NXPE2: variants seen among roughly 807,000 people sequenced by gnomAD.
NXPE2 encodes NXPE family member 2.
In NXPE2, 34 loss-of-function variants were observed where a neutral mutation model predicts 34.4. That is an observed-to-expected ratio of 0.99 (90% CI 0.75 to 1.31). The LOEUF is 1.31. Ranked by LOEUF, NXPE2 falls within the 40% of genes most tolerant of loss-of-function variation. The probability of loss-of-function intolerance (pLI) is 0.00; values close to 1 mark genes in which losing one functional copy is unlikely to be tolerated. For missense variants in NXPE2, 649 were observed against 672.5 expected, an observed-to-expected ratio of 0.97 and a Z score of 0.39; for synonymous variants, 235 against 231.3, an observed-to-expected ratio of 1.02 and a Z score of -0.15.
At chr11:114,547,676 A>G in the NXPE2 span, among the ~76,000 whole-genome samples, 5 of 152,188 alleles carry the variant, frequency 3.3e-5, no homozygotes, top group Non-Finnish European at 7.4e-5. Context: ...CAGAGGTTGC[A>G]GTGAGCCGAG....
chr11:114,796,890 TA>T, the NXPE2 span, among the ~76,000 whole-genome samples: 1 of 152,198 alleles, frequency 6.6e-6, no homozygotes, highest in East Asian at 1.9e-4. Context: ...GGAAAGGAGT[TA>T]AAGTTTTCCA....
At chr11:114,647,993 G>A in the NXPE2 span, among the ~76,000 whole-genome samples, 1 of 152,000 alleles carries the variant, frequency 6.6e-6, no homozygotes, top group Non-Finnish European at 1.5e-5. Flanking sequence ...AGCCACTGTT[G>A]CCGGCCGACT....
At chr11:114,639,193 C>G in the NXPE2 span, among the ~76,000 whole-genome samples, 1 of 152,028 alleles carries the variant, frequency 6.6e-6, no homozygotes, top group African/African-American at 2.4e-5. Context: ...CCCCCAGCCT[C>G]ACTGCCGCCT....
At chr11:114,560,556 T>G in the NXPE2 span, among the ~76,000 whole-genome samples, 2 of 152,108 alleles carry the variant, frequency 1.3e-5, no homozygotes, top group South Asian at 4.2e-4. Context: ...CATGAGCCAC[T>G]TTTCCCAGCT....
chr11:114,527,400 A>G, the NXPE2 span, among the ~76,000 whole-genome samples: 1 of 152,256 alleles, frequency 6.6e-6, no homozygotes, highest in Non-Finnish European at 1.5e-5. Flanking sequence ...TTCATAAGTA[A>G]CAGGGCTTTG....
the NXPE2 span, among the ~76,000 whole-genome samples, chr11:114,737,612 G>A: frequency 5.9e-5 from 9 of 152,284 alleles, no homozygotes; most frequent in East Asian, 1.4e-3. Flanking sequence ...TTTTGTGGAT[G>A]AGAAAACAGA....
the NXPE2 span, among the ~76,000 whole-genome samples, chr11:114,725,846 C>T: frequency 1.3e-5 from 2 of 151,612 alleles, no homozygotes; most frequent in East Asian, 3.9e-4. Context: ...TCCCCTGACA[C>T]AGACAACTGA....
the NXPE2 span, among the ~76,000 whole-genome samples, chr11:114,745,900 T>C: frequency 6.6e-6 from 1 of 152,100 alleles, no homozygotes; most frequent in African/African-American, 2.4e-5. Flanking sequence ...GCTAAACATG[T>C]ATTATGCCTG....
At chr11:114,644,381 G>A in the NXPE2 span, among the ~76,000 whole-genome samples, 1 of 152,132 alleles carries the variant, frequency 6.6e-6, no homozygotes, top group African/African-American at 2.4e-5. Flanking sequence ...GTATGATATT[G>A]GCTGTGGGTT....
chr11:114,663,637 C>CTATCATCTATCTACCATCT, the NXPE2 span, among the ~76,000 whole-genome samples: 1 of 138,754 alleles, frequency 7.2e-6, no homozygotes, highest in African/African-American at 2.8e-5. Flanking sequence ...ATCTATCTAT[C>CTATCATCTATCTACCATCT]ATCTATCCAT....
At chr11:114,523,081 T>A in the NXPE2 span, 1 of 1,611,972 alleles carries the variant, frequency 6.2e-7, no homozygotes, top group Non-Finnish European at 8.5e-7. Context: ...TCTCTTCTAT[T>A]TTTTCTCTCT....
At chr11:114,733,902 A>G in the NXPE2 span, among the ~76,000 whole-genome samples, 1 of 151,960 alleles carries the variant, frequency 6.6e-6, no homozygotes, top group Admixed American at 6.6e-5. Context: ...CCATGTGTAT[A>G]TTTTCTTTCA....
chr11:114,640,364 T>C, the NXPE2 span, among the ~76,000 whole-genome samples: 1 of 150,046 alleles, frequency 6.7e-6, no homozygotes, highest in African/African-American at 2.4e-5. Context: ...ATATATATGC[T>C]ACTGTTTCTT....
the NXPE2 span, among the ~76,000 whole-genome samples, chr11:114,501,519 T>C: frequency 2.8e-4 from 42 of 152,312 alleles, no homozygotes; most frequent in African/African-American, 9.4e-4. Context: ...TATTTATGGT[T>C]ATTGTAGTAT....
the NXPE2 span, among the ~76,000 whole-genome samples, chr11:114,715,783 C>T: frequency 6.6e-6 from 1 of 152,190 alleles, no homozygotes; most frequent in Admixed American, 6.5e-5. Context: ...ACCAAAATAG[C>T]TTCTGAGCCC....
chr11:114,693,386 G>T (rs1291938395), intron 2 of NXPE2, among the ~76,000 whole-genome samples: 1 of 152,194 alleles, frequency 6.6e-6, no homozygotes, highest in African/African-American at 2.4e-5. Flanking sequence ...TCAACTCTGA[G>T]TTTAGCATGT....
downstream of NXPE2, chr11:114,707,502 C>T (rs191608350): frequency 2.7e-4 from 94 of 344,278 alleles, no homozygotes; most frequent in Non-Finnish European, 4.5e-4. Context: ...TCAAGCGATT[C>T]TCCTGACTCA....
At chr11:114,696,340 C>A (rs963684776) in intron 2 of NXPE2, among the ~76,000 whole-genome samples, 1,700 of 64,340 alleles carry the variant, frequency 0.026, 23 homozygotes, top group African/African-American at 0.054. Context: ...TCAAAAAAAC[C>A]AAAAAAAAAA....
chr11:114,711,824 G>C (rs1424423363), downstream of NXPE2, among the ~76,000 whole-genome samples: 1 of 152,076 alleles, frequency 6.6e-6, no homozygotes, highest in Non-Finnish European at 1.5e-5. Flanking sequence ...AAAGTTGTAG[G>C]CCTCACACTC....
Sources: gnomAD v4.1 joint callset for allele counts (sites outside exome capture counted in the v4.1 genomes callset) on GRCh38, gnomAD v4.1.1 for gene constraint, MANE v1.5 for transcripts, NCBI Gene and HGNC (gene_info 2026-07-23, HGNC 2026-07-21) for gene names.